RASSF3: variants seen among roughly 807,000 people sequenced by gnomAD.
The protein encoded by RASSF3 is ras association domain-containing protein 3.
RASSF3 carries 19 observed loss-of-function variants against 19.9 expected under a neutral mutation model. That is an observed-to-expected ratio of 0.96 (90% CI 0.67 to 1.40). The LOEUF (loss-of-function observed/expected upper bound fraction) is 1.40, where lower values mean the gene tolerates loss of function less well. Ranked by LOEUF, RASSF3 falls within the 40% of genes most tolerant of loss-of-function variation. The probability of loss-of-function intolerance (pLI) is 0.00; values close to 1 mark genes in which losing one functional copy is unlikely to be tolerated. For missense variants in RASSF3, 306 were observed against 289.8 expected (o/e 1.06, Z -0.41); for synonymous variants, 110 against 104.2 (o/e 1.06, Z -0.34).
intron 1 of RASSF3, among the ~76,000 whole-genome samples, chr12:64,672,982 C>T (rs530826287): frequency 3.9e-5 from 6 of 152,174 alleles, no homozygotes; most frequent in Non-Finnish European, 8.8e-5. Context: ...CCACCTGCCT[C>T]CTCCTCGGTT....
Position 64,571,443 on chromosome 12 carries a change from G to A in RASSF3, c.294+29738G>A, listed in dbSNP as rs144856308. Reference sequence around the variant, plus strand: ...AAACCCACACCAGTGAGCACAATCAGGAAGCCTTGTTATGACCTGGCAGCA... The same window carrying A: ...AAACCCACACCAGTGAGCACAATCAAGAAGCCTTGTTATGACCTGGCAGCA... On this transcript the variant is annotated intron_variant, in intron 2 of 5. Transcript: ENST00000637125. Among the ~76,000 whole-genome samples, 664 of 152,242 alleles carry A rather than the reference G, an allele frequency of 4.4e-3. 5 individuals are homozygous for A. Among genetic ancestry groups the A allele is most frequent in the African/African-American group, 0.016 (651 of 41,550 alleles).
chr12:64,634,235 C>T (rs1871254116), intron 1 of RASSF3, among the ~76,000 whole-genome samples: 1 of 151,464 alleles, frequency 6.6e-6, no homozygotes, highest in Middle Eastern at 3.5e-3. Flanking sequence ...AGGAGATGAA[C>T]AAGGTTAACC....
At chr12:64,684,400 A>T (rs1169185700) in intron 1 of RASSF3, among the ~76,000 whole-genome samples, 2 of 149,800 alleles carry the variant, frequency 1.3e-5, no homozygotes, top group South Asian at 2.1e-4. Flanking sequence ...TGGAATTTTT[A>T]AAAAATCCTG....
At chr12:64,602,175 G>A (rs531780791) in intron 2 of RASSF3, among the ~76,000 whole-genome samples, 1 of 151,818 alleles carries the variant, frequency 6.6e-6, no homozygotes, top group African/African-American at 2.4e-5. Context: ...GGTGGCTCAC[G>A]TCTACAATCC....
intron 1 of RASSF3, among the ~76,000 whole-genome samples, chr12:64,517,365 T>C (rs893925834): frequency 2.0e-5 from 3 of 151,802 alleles, no homozygotes; most frequent in Admixed American, 2.0e-4. Context: ...TCAAAAAATA[T>C]TTTGGGGGAA....
upstream of RASSF3, chr12:64,609,308 T>A (rs1870257417): frequency 6.6e-6 from 1 of 152,224 alleles, no homozygotes; most frequent in South Asian, 2.1e-4. Flanking sequence ...CAGCTGCTGC[T>A]CTAGGTGTAA....
intron 1 of RASSF3, among the ~76,000 whole-genome samples, chr12:64,669,986 G>A (rs1872646219): frequency 6.8e-6 from 1 of 147,572 alleles, no homozygotes; most frequent in Non-Finnish European, 1.5e-5. Flanking sequence ...ATTGAGTAAT[G>A]TTTAAAAACC....
intron 1 of RASSF3, among the ~76,000 whole-genome samples, chr12:64,612,624 C>T (rs1870409892): frequency 6.6e-6 from 1 of 151,826 alleles, no homozygotes; most frequent in Admixed American, 6.6e-5. Context: ...TACAGGCATG[C>T]ACCACCACAT....
chr12:64,532,037 T>C (rs960673734), upstream of RASSF3, among the ~76,000 whole-genome samples: 1 of 152,166 alleles, frequency 6.6e-6, no homozygotes, highest in Non-Finnish European at 1.5e-5. Context: ...AAATGCCTCA[T>C]AGTCAACAGA....
rs1871821175 is a variant in RASSF3 at position 64,648,558 on chromosome 12, C to T, written c.112-36229C>T. 2.0e-5 allele frequency among the ~76,000 whole-genome samples: 3 copies of T among 151,616 alleles called. No individual in the cohort carries two copies. In the South Asian group the frequency reaches 6.3e-4, roughly 32 times the overall value. ...TGAGATGGAGCACGTTCCTGGCTCA[C>T]TGCAACCTCCACCTCCTGGATTCAA... On this transcript the variant is annotated intron_variant, in intron 1 of 4. Transcript: ENST00000542104.
intron 1 of RASSF3, among the ~76,000 whole-genome samples, chr12:64,682,193 T>C (rs1250484196): frequency 6.6e-6 from 1 of 152,188 alleles, no homozygotes; most frequent in Non-Finnish European, 1.5e-5. Flanking sequence ...ACACATTATC[T>C]TGTGCTGGTA....
chr12:64,593,514 G>C (rs1333869075), intron 2 of RASSF3, among the ~76,000 whole-genome samples: 2 of 149,702 alleles, frequency 1.3e-5, no homozygotes, highest in Non-Finnish European at 3.0e-5. Flanking sequence ...AGCTGTGCCT[G>C]GCTGAAGTTG....
upstream of RASSF3, among the ~76,000 whole-genome samples, chr12:64,606,264 C>G (rs1245246218): frequency 2.0e-5 from 3 of 152,156 alleles, no homozygotes; most frequent in Non-Finnish European, 4.4e-5. Flanking sequence ...CACGTCAGGC[C>G]TTACCCCTGT....
At chr12:64,530,077 G>T (rs1214567338), upstream of RASSF3, among the ~76,000 whole-genome samples, 1 of 152,002 alleles carries the variant, frequency 6.6e-6, no homozygotes, top group East Asian at 1.9e-4. Flanking sequence ...GTGTCCCCAG[G>T]TCCCTTTGTA....
chr12:64,665,374 T>G (rs1434595609), intron 1 of RASSF3, among the ~76,000 whole-genome samples: 1 of 152,228 alleles, frequency 6.6e-6, no homozygotes, highest in Non-Finnish European at 1.5e-5. Context: ...TTAATATTGA[T>G]TTTGAAAGTC....
intron 2 of RASSF3, among the ~76,000 whole-genome samples, chr12:64,592,532 AG>A (rs1284139861): frequency 6.6e-6 from 1 of 152,220 alleles, no homozygotes; most frequent in Non-Finnish European, 1.5e-5. Flanking sequence ...CTATGGGATT[AG>A]CCTGTCTTGC....
chr12:64,536,753 G>A (rs753467178), intron 1 of RASSF3, among the ~76,000 whole-genome samples: 3 of 152,220 alleles, frequency 2.0e-5, no homozygotes, highest in Non-Finnish European at 4.4e-5. Flanking sequence ...AGATGAGCAG[G>A]CAGGTGAGGG....
chr12:64,534,530 T>G (rs912982530), intron 1 of RASSF3, among the ~76,000 whole-genome samples: 2 of 152,028 alleles, frequency 1.3e-5, no homozygotes, highest in Non-Finnish European at 2.9e-5. Flanking sequence ...AATCAAATAT[T>G]AAGTAAAAGA....
chr12:64,551,314 C>G (rs1869155961), intron 2 of RASSF3, among the ~76,000 whole-genome samples: 1 of 152,172 alleles, frequency 6.6e-6, no homozygotes, highest in Admixed American at 6.5e-5. Context: ...TAGGCTCACT[C>G]CTGTAATCCC....
Sources: allele counts gnomAD v4.1 joint callset (sites outside exome capture counted in the v4.1 genomes callset), GRCh38; gene constraint gnomAD v4.1.1; transcripts MANE v1.5; gene names NCBI Gene and HGNC (gene_info 2026-07-23, HGNC 2026-07-21).